Variants in PLEKHG5 observed in about 807,000 individuals in gnomAD.
PLEKHG5 encodes the protein pleckstrin homology and RhoGEF domain containing G5.
Under a neutral mutation model 103.8 loss-of-function variants are expected in PLEKHG5, and 52 were observed. That is an observed-to-expected ratio of 0.50 (90% CI 0.40 to 0.63). The LOEUF is 0.63. PLEKHG5 is among the 30% of genes least tolerant of loss of function. The pLI is 0.00. For synonymous variants in PLEKHG5, 592 were observed against 575.5 expected (o/e 1.03, Z -0.41); for missense variants, 1,205 against 1,347.6 (o/e 0.89, Z 1.66).
upstream of PLEKHG5, chr1:6,497,221 C>A (rs1249232426): frequency 3.5e-6 from 3 of 865,318 alleles, no homozygotes; most frequent in East Asian, 5.3e-5. This position sits in a 1 kb window ranked among gnomAD's most constrained non-coding sequence, Gnocchi z 6.1. Context: ...TCGGCGCCCA[C>A]CCCCTTGCCT....
intron 1 of PLEKHG5, among the ~76,000 whole-genome samples, chr1:6,502,530 C>T (rs769915461): frequency 3.9e-5 from 6 of 152,212 alleles, no homozygotes; most frequent in Non-Finnish European, 7.3e-5. Flanking sequence ...CACAGCTCTG[C>T]ACACAGGCCT....
rs1481076852 is a variant in PLEKHG5, at chr1:6,490,129, A to G, written c.-88+1508T>C. On this transcript the variant is annotated intron_variant, in intron 1 of 20. Transcript: ENST00000377728. This position sits in a 1 kb window ranked among gnomAD's most constrained non-coding sequence, Gnocchi z 8.0. ...GGAGGATCGGCTGAGCCTCCCAGCC[A>G]CGCCGCGCGCCCGGGCCCCTCCAGG... Among the ~76,000 whole-genome samples, 3 of 151,678 alleles carry G rather than the reference A, an allele frequency of 2.0e-5. No homozygotes were observed. The highest frequency in any genetic ancestry group is 4.9e-5 in the African/African-American group (2 of 41,228).
Position 6,473,049 on chromosome 1 carries a change from C to T in PLEKHG5, c.921G>A (p.Glu307=), listed in dbSNP as rs988626484. Residue 307 remains glutamate (E), a synonymous_variant, in exon 9 of 21, where the codon GAG becomes GAA. Coordinates refer to ENST00000377728, the MANE Select transcript of PLEKHG5 (RefSeq NM_020631.6). ...DSWEEEYDED[E]DEDNACLRLE... The stretch of plus-strand genomic sequence containing the variant: ...GCCTCAGGCAGGCATTGTCCTCATC[C>T]TCGTCTTCATCGTACTCCTCCTCCC... The T allele has an allele frequency of 1.9e-6, 3 of 1,613,950 alleles. No homozygotes were observed. Among genetic ancestry groups the T allele is most frequent in the Non-Finnish European group, 2.5e-6 (3 of 1,179,906 alleles).
intron 1 of PLEKHG5, among the ~76,000 whole-genome samples, chr1:6,502,919 C>T (rs750247382): frequency 1.3e-5 from 2 of 152,144 alleles, no homozygotes; most frequent in East Asian, 3.9e-4. Context: ...GCCTCTCTGC[C>T]GGCCCCGGGG....
chr1:6,511,855 C>T (rs1479990191), intron 1 of PLEKHG5, among the ~76,000 whole-genome samples: 1 of 152,198 alleles, frequency 6.6e-6, no homozygotes, highest in Non-Finnish European at 1.5e-5. Context: ...GAGGGTTCTG[C>T]TGGCAGGAAG....
Position 6,475,143 on chromosome 1 carries a change from G to T in PLEKHG5, c.211-5C>A. On this transcript the variant is annotated splice_polypyrimidine_tract_variant and splice_region_variant and intron_variant, in intron 4 of 20. Transcript: ENST00000377728. Reference sequence around the variant, plus strand: ...GAAGCATTCCTTGCTTGGGTCCTGGGAGGATGGTGGGGGTGGGGGCTGTGA... The same window carrying T: ...GAAGCATTCCTTGCTTGGGTCCTGGTAGGATGGTGGGGGTGGGGGCTGTGA... 4 of 1,561,044 alleles carry T rather than the reference G, an allele frequency of 2.6e-6. No individual in the cohort carries two copies. The highest frequency in any genetic ancestry group is 3.5e-6 in the Non-Finnish European group (4 of 1,132,132).
chr1:6,473,136 G>A lies in PLEKHG5; in HGVS notation c.834C>T (p.His278=), dbSNP rs368463952. ...TGGGCAGCCCGAAGAGGCTGTAGGT[G>A]TGCAGCTTGCCCTCCAGCTGCTCCA... The part of the protein sequence containing the change: ...DKMEQLEGKL[H]TYSLFGLPRL... Residue 278 remains histidine, a synonymous_variant, in exon 9 of 21, where the codon CAC becomes CAT. Transcript: ENST00000377728. 8.7e-6 allele frequency: 14 copies of A among 1,613,964 alleles called. No homozygotes were observed. The East Asian group carries it at 2.5e-4, about 28-fold the overall frequency.
Position 6,490,890 on chromosome 1 carries a change from G to A in PLEKHG5, c.-88+747C>T, listed in dbSNP as rs1645140557. On this transcript the variant is annotated intron_variant, in intron 1 of 20. Coordinates refer to ENST00000377728, the MANE Select transcript of PLEKHG5 (RefSeq NM_020631.6). The surrounding 1 kb of genome is among the most constrained non-coding windows in gnomAD (Gnocchi z 8.0). The stretch of plus-strand genomic sequence containing the variant: ...ACGGGAGCTCGCCCATCCCGGAAGG[G>A]GGCTAGGGGGGACCAGGGCCCGCGA... Among the ~76,000 whole-genome samples the A allele has an allele frequency of 6.6e-6, 1 of 152,158 alleles. No individual in the cohort carries two copies. Among genetic ancestry groups the A allele is most frequent in the African/African-American group, 2.4e-5 (1 of 41,442 alleles).
intron 1 of PLEKHG5, among the ~76,000 whole-genome samples, chr1:6,507,708 G>A (rs1485298796): frequency 1.3e-5 from 2 of 152,234 alleles, no homozygotes; most frequent in African/African-American, 2.4e-5. Context: ...CCCAGCTGAG[G>A]GCTAAGGTGC....
chr1:6,500,965 G>A (rs546486938), upstream of PLEKHG5, among the ~76,000 whole-genome samples: 106 of 152,358 alleles, frequency 7.0e-4, 1 homozygote, highest in South Asian at 0.022. Flanking sequence ...CTGGGCCTCG[G>A]GGCGCGGGCA....
chr1:6,468,238 C>T lies in PLEKHG5; in HGVS notation c.2598G>A (p.Leu866=), dbSNP rs368328495. 4.2e-5 allele frequency: 67 copies of T among 1,596,334 alleles called. No individual in the cohort carries two copies. The highest frequency in any genetic ancestry group is 9.4e-5 in the African/African-American group (7 of 74,640). ...PRLRRRTPVQ[L]LSCPPHLLKS... ...TGAGCAGGTGGGGCGGGCAGCTCAA[C>T]AGCTGGACAGGGGTGCGGCGGCGGA... Residue 866 remains leucine, a synonymous_variant, in exon 20 of 21, where the codon CTG becomes CTA. Transcript: ENST00000377728.
chr1:6,474,130 C>T lies in PLEKHG5; in HGVS notation c.474G>A (p.Glu158=), dbSNP rs751440606. The part of the protein sequence containing the change: ...PAKPGDEGKV[E]QGMKDSKSLS... The stretch of plus-strand genomic sequence containing the variant: ...GGGACTTGGAGTCCTTCATGCCCTG[C>T]TCCACCTTGCCCTCATCTCCAGGCT... The change falls in exon 7 of 21, where the codon GAG becomes GAA. Residue 158 remains glutamate, a synonymous_variant. Coordinates refer to ENST00000377728, the MANE Select transcript of PLEKHG5 (RefSeq NM_020631.6). 1.9e-5 allele frequency: 30 copies of T among 1,613,454 alleles called. No individual in the cohort carries two copies. The highest frequency in any genetic ancestry group is 2.2e-5 in the Non-Finnish European group (26 of 1,179,962).
intron 1 of PLEKHG5, among the ~76,000 whole-genome samples, chr1:6,508,568 G>C (rs1638394618): frequency 6.6e-6 from 1 of 152,230 alleles, no homozygotes; most frequent in South Asian, 2.1e-4. Context: ...GGCAGCAGCT[G>C]TCCAAGGCAG....
exon 1 of PLEKHG5, chr1:6,519,784 G>A (rs1638723916): frequency 7.3e-6 from 4 of 551,480 alleles, no homozygotes; most frequent in African/African-American, 3.8e-5. Flanking sequence ...CTTCGCAGCC[G>A]CCGCTCACAC....
intron 3 of PLEKHG5, among the ~76,000 whole-genome samples, 153 bp downstream of exon 3, chr1:6,475,778 T>C (rs1287697401): frequency 1.3e-5 from 2 of 152,240 alleles, no homozygotes; most frequent in Non-Finnish European, 2.9e-5. Context: ...GGGTGGCCTC[T>C]TCCCGGAGTC....
intron 4 of PLEKHG5, 55 bp downstream of exon 4, chr1:6,475,407 G>A (rs1397570874): frequency 6.7e-7 from 1 of 1,499,946 alleles, no homozygotes. Flanking sequence ...CCAGGCTCGG[G>A]GAAGGGCGCA....
At chr1:6,475,552 G>A in intron 3 of PLEKHG5, 30 bp from the exon 4 acceptor site, 3 of 1,602,538 alleles carry the variant, frequency 1.9e-6, no homozygotes, top group Non-Finnish European at 2.6e-6. Flanking sequence ...GCAGAGGCTG[G>A]AGGTGTGGGT....
chr1:6,507,585 G>A (rs1326260675), intron 1 of PLEKHG5, among the ~76,000 whole-genome samples: 2 of 152,166 alleles, frequency 1.3e-5, no homozygotes, highest in Non-Finnish European at 2.9e-5. Flanking sequence ...CAAGGCCCAG[G>A]CAGAGGGAGC....
chr1:6,477,791 A>T lies in PLEKHG5; in HGVS notation c.-87-133T>A, dbSNP rs1644803488. The T allele has an allele frequency of 3.6e-6, 3 of 822,300 alleles. No homozygotes were observed. The Admixed American group carries it at 6.7e-5, about 18-fold the overall frequency. 50.9% of individuals were successfully genotyped at this position (822,300 alleles called of 1,614,324 possible). On this transcript the variant is annotated intron_variant, in intron 1 of 20. Coordinates refer to ENST00000377728, the MANE Select transcript of PLEKHG5 (RefSeq NM_020631.6). ...CCAGGGTGAGGAGACGCCCCCCAGCAGTCCCCCCTCTCCCACATCATCAAG... is the reference window on the plus strand; with the variant it reads ...CCAGGGTGAGGAGACGCCCCCCAGCTGTCCCCCCTCTCCCACATCATCAAG...
Sources: allele counts gnomAD v4.1 joint callset (sites outside exome capture counted in the v4.1 genomes callset), GRCh38; gene constraint gnomAD v4.1.1; non-coding constraint Gnocchi (gnomAD v3.1); transcripts MANE v1.5; gene names NCBI Gene and HGNC (gene_info 2026-07-23, HGNC 2026-07-21).